PLEKHA6: variants seen among roughly 807,000 people sequenced by gnomAD.
The protein encoded by PLEKHA6 is pleckstrin homology domain containing A6, also known as pleckstrin homology domain-containing family A member 6.
Under a neutral mutation model 116.7 loss-of-function variants are expected in PLEKHA6, and 60 were observed. The ratio of observed to expected loss-of-function variants is 0.51; its 90% CI spans 0.42 to 0.64. PLEKHA6 has a LOEUF of 0.64. PLEKHA6 is among the 30% of genes least tolerant of loss of function. The pLI is 0.00. For missense variants in PLEKHA6, 1,338 were observed against 1,422.7 expected (o/e 0.94, Z 0.96); for synonymous variants, 489 against 556.1 (o/e 0.88, Z 1.70).
intron 1 of PLEKHA6, among the ~76,000 whole-genome samples, chr1:204,319,491 G>A (rs1029478188): frequency 2.0e-5 from 3 of 152,158 alleles, no homozygotes; most frequent in Non-Finnish European, 4.4e-5. Flanking sequence ...GAACATAAGC[G>A]AGGGAGGATC....
At chr1:204,344,743 G>A (rs1387037112) in intron 1 of PLEKHA6, among the ~76,000 whole-genome samples, 1 of 152,166 alleles carries the variant, frequency 6.6e-6, no homozygotes, top group Non-Finnish European at 1.5e-5. Flanking sequence ...CCAGAAGTGA[G>A]TGACAAAGCA....
chr1:204,224,116 A>T (rs1467689148), intron 21 of PLEKHA6, among the ~76,000 whole-genome samples: 2 of 152,120 alleles, frequency 1.3e-5, no homozygotes, highest in African/African-American at 4.8e-5. Flanking sequence ...GGCACAGTCA[A>T]GGGCTCGGAA....
intron 9 of PLEKHA6, chr1:204,256,939 T>C (rs1558076503): frequency 6.8e-6 from 4 of 585,616 alleles, no homozygotes; most frequent in Non-Finnish European, 1.2e-5. Context: ...GGACACGGAG[T>C]TCCCCAACAG....
At position 204,227,946 on chromosome 1, in the gene PLEKHA6, G is replaced by C. The variant is rs1405667887; in HGVS notation, c.3031+137C>G. 3.3e-6 allele frequency: 3 copies of C among 898,730 alleles called. No individual in the cohort carries two copies. In the East Asian group the frequency reaches 8.4e-5, roughly 25 times the overall value. The allele number at this position is 898,730 out of a possible 1,614,324, so 55.7% of individuals were successfully genotyped here. On this transcript the variant is annotated intron_variant, in intron 21 of 22. Transcript: ENST00000272203. ...AGTACCTGGTGCTCAACAGATGCTC[G>C]TCTCAACCTCGAGGAGCATCTCCTC... is the stretch of plus-strand genomic sequence containing the variant.
intron 5 of PLEKHA6, among the ~76,000 whole-genome samples, chr1:204,266,068 A>T (rs1177902425): frequency 6.6e-6 from 1 of 152,204 alleles, no homozygotes; most frequent in Non-Finnish European, 1.5e-5. Flanking sequence ...GTTCAGAAGA[A>T]ACCTCTGTAG....
chr1:204,276,169 T>C (rs1005322069), intron 1 of PLEKHA6, among the ~76,000 whole-genome samples: 3 of 151,994 alleles, frequency 2.0e-5, no homozygotes, highest in Non-Finnish European at 2.9e-5. Context: ...TCAGATGTAA[T>C]CCAAAGACAT....
Position 204,225,210 on chromosome 1 carries a change from A to C in PLEKHA6, c.3032-1625T>G, listed in dbSNP as rs370455948. ...GAACATTTAGCATAGCTACAAACAG[A>C]TCTATGTCCATTGTGGCCCTAAGGG... On this transcript the variant is annotated intron_variant, in intron 21 of 22. Coordinates refer to ENST00000272203, the MANE Select transcript of PLEKHA6 (RefSeq NM_014935.5). Among the ~76,000 whole-genome samples the C allele has an allele frequency of 2.0e-5, 3 of 152,332 alleles. No individual in the cohort carries two copies. In the South Asian group the frequency reaches 6.2e-4, roughly 32 times the overall value.
chr1:204,363,621 A>G (rs1302287737), upstream of PLEKHA6, among the ~76,000 whole-genome samples: 2 of 152,102 alleles, frequency 1.3e-5, no homozygotes, highest in African/African-American at 4.8e-5. Flanking sequence ...GAGGAGGGAG[A>G]CAAGGGGGCG....
upstream of PLEKHA6, among the ~76,000 whole-genome samples, chr1:204,362,644 T>G (rs1673582119): frequency 6.6e-6 from 1 of 152,224 alleles, no homozygotes; most frequent in South Asian, 2.1e-4. Context: ...CTACCTGGGC[T>G]TTAGCAATCC....
intron 1 of PLEKHA6, among the ~76,000 whole-genome samples, chr1:204,316,251 C>G (rs1195764446): frequency 6.6e-6 from 1 of 152,156 alleles, no homozygotes; most frequent in African/African-American, 2.4e-5. Context: ...TTAAAAGAAA[C>G]ATCGGGACTG....
rs531911859 is a variant in PLEKHA6 at position 204,329,428 on chromosome 1, C to T, written c.-95+30266G>A. On this transcript the variant is annotated intron_variant, in intron 1 of 22. Transcript: ENST00000272203. The stretch of plus-strand genomic sequence containing the variant: ...AGGGCCTCTTTCCAAAGCAAAAGAT[C>T]GCTTACTGTGAGATCAAAGAAGCAA... Among the ~76,000 whole-genome samples the T allele has an allele frequency of 3.9e-5, 6 of 152,204 alleles. No individual in the cohort carries two copies. The South Asian group carries it at 8.3e-4, about 21-fold the overall frequency.
Position 204,223,312 on chromosome 1 carries a change from G to A in PLEKHA6, c.*8+150C>T. ...GGGAAGCTGGATGGACGGATGGATGGATGAATGGATGGATAGTGGGGAGGA... is the reference window on the plus strand; with the variant it reads ...GGGAAGCTGGATGGACGGATGGATGAATGAATGGATGGATAGTGGGGAGGA... On this transcript the variant is annotated intron_variant, in intron 22 of 22. Coordinates refer to ENST00000272203, the MANE Select transcript of PLEKHA6 (RefSeq NM_014935.5). This position sits in a 1 kb window ranked among gnomAD's most constrained non-coding sequence, Gnocchi z 4.8. 3.1e-6 allele frequency: 2 copies of A among 642,078 alleles called. No individual in the cohort carries two copies. Among genetic ancestry groups the A allele is most frequent in the South Asian group, 3.6e-5 (2 of 55,234 alleles). 39.8% of individuals were successfully genotyped at this position (642,078 alleles called of 1,614,324 possible). A position where few individuals can be genotyped will look rare whatever the true frequency, so the allele number is the denominator to read the frequency against.
chr1:204,230,264 G>T (rs917220549), intron 18 of PLEKHA6, 149 bp downstream of exon 18: 6 of 572,518 alleles, frequency 1.0e-5, no homozygotes, highest in Non-Finnish European at 1.8e-5. Context: ...ATGGGGGAGA[G>T]GACTCTCCGG....
intron 1 of PLEKHA6, among the ~76,000 whole-genome samples, chr1:204,343,026 C>T (rs929121853): frequency 6.6e-6 from 1 of 152,168 alleles, no homozygotes; most frequent in African/African-American, 2.4e-5. Flanking sequence ...AGGCTTTGGG[C>T]TCCCCTTGAC....
intron 5 of PLEKHA6, 140 bp from the exon 6 acceptor site, chr1:204,265,182 C>T (rs773243426): frequency 1.9e-4 from 130 of 668,204 alleles, no homozygotes; most frequent in Non-Finnish European, 3.2e-4. Flanking sequence ...TTGTCAGGCA[C>T]TCAGGGCCAC....
rs1486649746 is a variant in PLEKHA6 at position 204,223,008 on chromosome 1, C to T, written c.*9-229G>A. Among the ~76,000 whole-genome samples the T allele has an allele frequency of 6.6e-6, 1 of 152,150 alleles. No homozygotes were observed. The highest frequency in any genetic ancestry group is 1.5e-5 in the Non-Finnish European group (1 of 68,036). On this transcript the variant is annotated intron_variant, in intron 22 of 22. Coordinates refer to ENST00000272203, the MANE Select transcript of PLEKHA6 (RefSeq NM_014935.5). The surrounding 1 kb of genome is among the most constrained non-coding windows in gnomAD (Gnocchi z 4.8). ...AAGGGAAGGGTTCACAGCCTTTGGC[C>T]GTAGTTGTCAATGTTATTTTAATTT...
At chr1:204,337,701 T>C (rs889991092) in intron 1 of PLEKHA6, among the ~76,000 whole-genome samples, 2 of 150,210 alleles carry the variant, frequency 1.3e-5, no homozygotes, top group African/African-American at 5.1e-5. Flanking sequence ...AGAAAGAAGA[T>C]GGCGGTCTCT....
chr1:204,334,156 G>A lies in PLEKHA6; in HGVS notation c.-95+25538C>T, dbSNP rs150936016. ...AGGACAGATATGCTTCGGTCCAGGT[G>A]CCTGGAAAAGCTCCCCTGTGGTGAA... On this transcript the variant is annotated intron_variant, in intron 1 of 22. Coordinates refer to ENST00000272203, the MANE Select transcript of PLEKHA6 (RefSeq NM_014935.5). Among the ~76,000 whole-genome samples the A allele has an allele frequency of 2.4e-3, 368 of 152,320 alleles. 3 individuals carry two copies. The highest frequency in any genetic ancestry group is 8.4e-3 in the African/African-American group (351 of 41,568).
At chr1:204,317,260 G>T in intron 1 of PLEKHA6, 1 of 959,138 alleles carries the variant, frequency 1.0e-6, no homozygotes, top group African/African-American at 1.8e-5. Context: ...AGCAGCCCTG[G>T]GTCCTAGCTC....
Sources: gnomAD v4.1 joint callset for allele counts (sites outside exome capture counted in the v4.1 genomes callset) on GRCh38, gnomAD v4.1.1 for gene constraint, Gnocchi (gnomAD v3.1) non-coding constraint, MANE v1.5 for transcripts, NCBI Gene and HGNC (gene_info 2026-07-23, HGNC 2026-07-21) for gene names.